Variants in BRD7 observed in about 807,000 individuals in gnomAD.
BRD7 encodes bromodomain-containing protein 7.
BRD7 carries 15 observed loss-of-function variants against 82.1 expected under a neutral mutation model. That is an observed-to-expected ratio of 0.18 (90% CI 0.12 to 0.28). The LOEUF is 0.28. Among genes scored for constraint, BRD7 ranks in the 10% least tolerant of loss-of-function variants. The probability of loss-of-function intolerance (pLI) is 1.00; values close to 1 mark genes in which losing one functional copy is unlikely to be tolerated. For missense variants in BRD7, 638 were observed against 779.9 expected, an observed-to-expected ratio of 0.82 and a Z score of 2.17; for synonymous variants, 232 against 266.9, an observed-to-expected ratio of 0.87 and a Z score of 1.27.
chr16:50,364,012 A>G (rs1470728800), intron 2 of BRD7, among the ~76,000 whole-genome samples: 1 of 151,864 alleles, frequency 6.6e-6, no homozygotes, highest in Non-Finnish European at 1.5e-5. Flanking sequence ...GCAGTGGACC[A>G]TGATTGCACC....
Position 50,318,506 on chromosome 16 carries a change from G to T in BRD7, c.*705C>A, listed in dbSNP as rs924020508. 1.3e-5 allele frequency: 2 copies of T among 152,164 alleles called. No individual in the cohort carries two copies. Among genetic ancestry groups the T allele is most frequent in the African/African-American group, 4.8e-5 (2 of 41,432 alleles). The allele number at this position is 152,164 out of a possible 1,614,324, so 9.4% of individuals were successfully genotyped here. On this transcript the variant is annotated 3_prime_UTR_variant, in exon 17 of 17. Transcript: ENST00000394688. ...TATCTCAGCTTGCTGATAAAAGGGG[G>T]CCATGAATCTTGTGGTCTCCTACTT...
At position 50,328,742 on chromosome 16, in the gene BRD7, G is replaced by A. The variant is rs752303750; in HGVS notation, c.1014C>T (p.Cys338=). The A allele has an allele frequency of 1.9e-6, 3 of 1,613,628 alleles. No individual in the cohort carries two copies. The highest frequency in any genetic ancestry group is 8.5e-7 in the Non-Finnish European group (1 of 1,179,882). The change falls in exon 9 of 17, where the codon TGC becomes TGT. Residue 338 remains cysteine, a splice_region_variant and synonymous_variant. Transcript: ENST00000394688. ...CATCTGGTTTTCTTCTTTCAAATTC[G>A]CACTGCAATGACCCAAAGTATTCAG... ...KLTRRLVNSQ[C]EFERRKPDGT...
intron 2 of BRD7, among the ~76,000 whole-genome samples, chr16:50,366,433 T>C (rs981769271): frequency 6.6e-6 from 1 of 152,210 alleles, no homozygotes; most frequent in Non-Finnish European, 1.5e-5. Flanking sequence ...TCATAAATCT[T>C]AGAGTTTGGG....
At chr16:50,333,844 T>C (rs1183250944) in intron 7 of BRD7, 147 bp from the exon 8 acceptor site, 2 of 664,004 alleles carry the variant, frequency 3.0e-6, no homozygotes, top group Non-Finnish European at 4.9e-6. Flanking sequence ...GATGACCTGT[T>C]AAGGGTCTCT....
chr16:50,368,611 C>A, intron 1 of BRD7, 115 bp downstream of exon 1: 1 of 1,123,482 alleles, frequency 8.9e-7, no homozygotes, highest in Non-Finnish European at 1.2e-6. Flanking sequence ...CCTTCGCCGG[C>A]CTGGGCCTGC....
intron 12 of BRD7, 140 bp downstream of exon 12, chr16:50,323,447 C>T: frequency 1.5e-6 from 1 of 668,108 alleles, no homozygotes; most frequent in Non-Finnish European, 2.6e-6. Context: ...CCACCCGTGG[C>T]CTCCAGCCGG....
At chr16:50,320,454 T>TCTAG in intron 14 of BRD7, 63 bp from the exon 15 acceptor site, 1 of 1,572,732 alleles carries the variant, frequency 6.4e-7, no homozygotes, top group Non-Finnish European at 8.6e-7. Context: ...AATCCTAGGC[T>TCTAG]CTAGGGCTTT....
Position 50,320,775 on chromosome 16 carries a change from C to T in BRD7, c.1501-1G>A. On this transcript the variant is annotated splice_acceptor_variant, in intron 13 of 16. Transcript: ENST00000394688. LOFTEE classifies it high-confidence loss of function. ...GCCCTGGTGGCTCTACTTCTGTAAT[C>T]TGCTTCAAAAGGAAAAACAGGCAAT... 1 of 1,610,608 alleles carries T rather than the reference C, an allele frequency of 6.2e-7. No homozygotes were observed. Among genetic ancestry groups the T allele is most frequent in the Non-Finnish European group, 8.5e-7 (1 of 1,176,802 alleles).
chr16:50,320,141 C>T, intron 15 of BRD7, 107 bp downstream of exon 15: 1 of 1,520,088 alleles, frequency 6.6e-7, no homozygotes, highest in Non-Finnish European at 8.8e-7. Flanking sequence ...AAAAACTGTC[C>T]CTGGGATTCA....
intron 15 of BRD7, 84 bp from the exon 16 acceptor site, chr16:50,320,114 C>G (rs2037027197): frequency 6.7e-7 from 1 of 1,501,802 alleles, no homozygotes; most frequent in African/African-American, 1.4e-5. Context: ...TGTACACATG[C>G]AAAGAAAACA....
rs2039268207 is a variant in BRD7 at position 50,368,893 on chromosome 16, G to C, written c.-119C>G. Reference sequence around the variant, plus strand: ...GGGCCCGCGAGACCCCGCGCCGCGAGGCAGGGGGGCGGCGCGCGCCGGGCG... The same window carrying C: ...GGGCCCGCGAGACCCCGCGCCGCGACGCAGGGGGGCGGCGCGCGCCGGGCG... On this transcript the variant is annotated 5_prime_UTR_variant, in exon 1 of 17. Coordinates refer to ENST00000394688, the MANE Select transcript of BRD7 (RefSeq NM_013263.5). The C allele has an allele frequency of 1.9e-6, 1 of 540,348 alleles. No homozygotes were observed. The highest frequency in any genetic ancestry group is 7.8e-5 in the South Asian group (1 of 12,852). The allele number at this position is 540,348 out of a possible 1,614,324, so 33.5% of individuals were successfully genotyped here. A position where few individuals can be genotyped will look rare whatever the true frequency, so the allele number is the denominator to read the frequency against.
intron 2 of BRD7, among the ~76,000 whole-genome samples, chr16:50,356,393 C>T (rs1480061958): frequency 6.6e-6 from 1 of 151,976 alleles, no homozygotes; most frequent in Non-Finnish European, 1.5e-5. Context: ...AATCCAATGC[C>T]TATTAAAAGG....
chr16:50,333,728 A>AT (rs1231749834), intron 7 of BRD7, 31 bp from the exon 8 acceptor site: 1 of 1,451,930 alleles, frequency 6.9e-7, no homozygotes. Context: ...TAAGTAAAAA[A>AT]AAAACAAAGA....
At chr16:50,336,540 T>C (rs1037339809) in intron 6 of BRD7, among the ~76,000 whole-genome samples, 2 of 152,114 alleles carry the variant, frequency 1.3e-5, no homozygotes, top group African/African-American at 4.8e-5. Flanking sequence ...CCAGCCTGGG[T>C]GACAGAGTGA....
intron 2 of BRD7, among the ~76,000 whole-genome samples, chr16:50,367,709 T>C (rs1017665867): frequency 6.6e-6 from 1 of 152,238 alleles, no homozygotes; most frequent in African/African-American, 2.4e-5. Context: ...TAATATTTAT[T>C]TCAGAACAAA....
chr16:50,365,131 C>T (rs2039089351), intron 2 of BRD7, among the ~76,000 whole-genome samples: 1 of 151,964 alleles, frequency 6.6e-6, no homozygotes, highest in South Asian at 2.1e-4. Context: ...CTGGAGGAGG[C>T]AGGGAACCTG....
intron 16 of BRD7, among the ~76,000 whole-genome samples, 171 bp downstream of exon 16, chr16:50,319,716 T>C (rs935492326): frequency 6.6e-6 from 1 of 152,250 alleles, no homozygotes; most frequent in African/African-American, 2.4e-5. Context: ...AGGTTGTGTG[T>C]AGGGTATAGG....
At chr16:50,338,424 G>C (rs1386569472) in intron 6 of BRD7, among the ~76,000 whole-genome samples, 3 of 152,180 alleles carry the variant, frequency 2.0e-5, no homozygotes, top group Admixed American at 1.3e-4. Context: ...CAAGCATACA[G>C]ACACTCAGAC....
At position 50,315,974 on chromosome 16, in the gene BRD7, T is replaced by C. The variant is rs2036780571; in HGVS notation, c.*3237A>G. 1 of 155,600 alleles carries C rather than the reference T, an allele frequency of 6.4e-6. No individual in the cohort carries two copies. The highest frequency in any genetic ancestry group is 6.3e-5 in the Admixed American group (1 of 15,780). 9.6% of individuals were successfully genotyped at this position (155,600 alleles called of 1,614,324 possible). A position where few individuals can be genotyped will look rare whatever the true frequency, so the allele number is the denominator to read the frequency against. ...CCTGGTGGGCCTGGCAATGACAGCA[T>C]TTCTCACAGAGGCATTCTGGTAAAT... On this transcript the variant is annotated 3_prime_UTR_variant, in exon 17 of 17. Transcript: ENST00000394688.
Sources: gnomAD v4.1 joint callset for allele counts (sites outside exome capture counted in the v4.1 genomes callset) on GRCh38, gnomAD v4.1.1 for gene constraint, MANE v1.5 for transcripts, NCBI Gene and HGNC (gene_info 2026-07-23, HGNC 2026-07-21) for gene names.